Variants in CAMKK1 observed in about 807,000 individuals in gnomAD.
CAMKK1 encodes the protein calcium/calmodulin dependent protein kinase kinase 1.
In CAMKK1, 20 loss-of-function variants were observed where a neutral mutation model predicts 63.5. That is an observed-to-expected ratio of 0.32 (90% CI 0.22 to 0.46). The LOEUF (loss-of-function observed/expected upper bound fraction) is 0.46. Ranked by LOEUF, CAMKK1 falls within the 20% of genes least tolerant of loss-of-function variation. CAMKK1 has a pLI of 1.00. For synonymous variants in CAMKK1, 253 were observed against 269.0 expected (o/e 0.94, Z 0.58); for missense variants, 588 against 658.1 (o/e 0.89, Z 1.17).
chr17:3,891,112 G>T (rs978030275), intron 1 of CAMKK1, among the ~76,000 whole-genome samples: 2 of 151,458 alleles, frequency 1.3e-5, no homozygotes, highest in South Asian at 2.1e-4. Flanking sequence ...GCAAGGTTGG[G>T]GGGGGGGTCA....
chr17:3,886,340 C>T (rs986887466), intron 1 of CAMKK1, among the ~76,000 whole-genome samples: 2 of 152,200 alleles, frequency 1.3e-5, no homozygotes, highest in African/African-American at 4.8e-5. Flanking sequence ...TCTGTCAAAA[C>T]AAGGGGATGG....
intron 15 of CAMKK1, among the ~76,000 whole-genome samples, chr17:3,863,408 G>T (rs1177879702): frequency 1.3e-5 from 2 of 152,236 alleles, no homozygotes; most frequent in East Asian, 3.8e-4. Flanking sequence ...TGAGGCAAGA[G>T]AACTGCTTGA....
intron 1 of CAMKK1, among the ~76,000 whole-genome samples, chr17:3,891,118 G>C (rs572833035): frequency 1.3e-5 from 2 of 151,754 alleles, no homozygotes; most frequent in South Asian, 2.1e-4. Flanking sequence ...TTGGGGGGGG[G>C]GTCACAGGCT....
At chr17:3,873,670 C>T (rs1348282311) in intron 10 of CAMKK1, among the ~76,000 whole-genome samples, 2 of 152,172 alleles carry the variant, frequency 1.3e-5, no homozygotes, top group Non-Finnish European at 2.9e-5. Context: ...CTCCACCCTC[C>T]AGGGGTTCTG....
chr17:3,892,846 AC>A lies in CAMKK1; in HGVS notation c.-44+92del, dbSNP rs143787561. 113,359 of 147,856 alleles carry A rather than the reference AC, an allele frequency of 0.77. 43,128 individuals carry two copies. The highest frequency in any genetic ancestry group is 0.82 in the Middle Eastern group (229 of 278). 9.2% of individuals were successfully genotyped at this position (147,856 alleles called of 1,614,324 possible). ...CTCCCTCGTAGACGCGGCCTGGCAG[AC>A]CCCCCCCGCCTCTCCCTTGCAGGCT... On this transcript the variant is annotated intron_variant, in intron 1 of 15. Transcript: ENST00000348335. This position sits in a 1 kb window ranked among gnomAD's most constrained non-coding sequence, Gnocchi z 7.5.
rs774208578 is a variant in CAMKK1, at chr17:3,883,015, T to C, written c.648+27A>G. 3 of 1,611,892 alleles carry C rather than the reference T, an allele frequency of 1.9e-6. No individual in the cohort carries two copies. The East Asian group carries it at 6.7e-5, about 36-fold the overall frequency. The stretch of plus-strand genomic sequence containing the variant: ...GCTCCCATGAGACTCAGGTGCTGGT[T>C]CCCACCTGCTCACCACCACCCCCTA... On this transcript the variant is annotated intron_variant, in intron 6 of 15. Transcript: ENST00000348335. The surrounding 1 kb of genome is among the most constrained non-coding windows in gnomAD (Gnocchi z 4.7).
chr17:3,862,751 T>C lies in CAMKK1; in HGVS notation c.1446-468A>G, dbSNP rs1176571172. Among the ~76,000 whole-genome samples, 1 of 152,202 alleles carries C rather than the reference T, an allele frequency of 6.6e-6. No homozygotes were observed. Among genetic ancestry groups the C allele is most frequent in the Non-Finnish European group, 1.5e-5 (1 of 68,030 alleles). ...CTCAAGCGATCCTCCCACCTCAGCC[T>C]CCTGAGTAGCTGAGACTACAGGCAC... On this transcript the variant is annotated intron_variant, in intron 15 of 15. Transcript: ENST00000348335. The surrounding 1 kb of genome is among the most constrained non-coding windows in gnomAD (Gnocchi z 4.1).
rs773755530 is a variant in CAMKK1, at chr17:3,883,215, G to T, written c.515-40C>A. On this transcript the variant is annotated intron_variant, in intron 5 of 15. Transcript: ENST00000348335. The surrounding 1 kb of genome is among the most constrained non-coding windows in gnomAD (Gnocchi z 4.7). ...AGAACTCAAACACCTGTTCCAGGTGGCTGGGCCTCACCGTGGCCCCCAAAC... is the reference window on the plus strand; with the variant it reads ...AGAACTCAAACACCTGTTCCAGGTGTCTGGGCCTCACCGTGGCCCCCAAAC... 1.9e-6 allele frequency: 3 copies of T among 1,604,066 alleles called. No homozygotes were observed. The East Asian group carries it at 6.7e-5, about 36-fold the overall frequency.
rs142786826 is a variant in CAMKK1, at chr17:3,874,995, G to A, written c.996+1228C>T. ...AAATTAGCCGGGCGTGGTGGTGGGC[G>A]CCTGTAGTCCCAGCTACTCGGGAGG... On this transcript the variant is annotated intron_variant, in intron 10 of 15. Transcript: ENST00000348335. Among the ~76,000 whole-genome samples, 247 of 152,042 alleles carry A rather than the reference G, an allele frequency of 1.6e-3. 1 individual carries two copies. Among genetic ancestry groups the A allele is most frequent in the African/African-American group, 4.7e-3 (196 of 41,504 alleles).
chr17:3,875,100 C>T (rs967556808), intron 10 of CAMKK1, among the ~76,000 whole-genome samples: 4 of 151,584 alleles, frequency 2.6e-5, no homozygotes, highest in Non-Finnish European at 2.9e-5. Context: ...CCAGCCTGGG[C>T]GACAGAGCGA....
chr17:3,867,042 T>C (rs1356141505), intron 14 of CAMKK1, among the ~76,000 whole-genome samples: 2 of 152,178 alleles, frequency 1.3e-5, no homozygotes, highest in Non-Finnish European at 2.9e-5. Flanking sequence ...TATATTCTAG[T>C]TGGGGGAGAC....
At chr17:3,880,244 G>T in intron 9 of CAMKK1, 102 bp downstream of exon 9, 2 of 996,676 alleles carry the variant, frequency 2.0e-6, no homozygotes, top group African/African-American at 1.6e-5. Context: ...TGGCAGGTCA[G>T]CTCTGACTGA....
At position 3,890,756 on chromosome 17, in the gene CAMKK1, T is replaced by C; in HGVS notation, c.-44+2183A>G. 2.6e-6 allele frequency: 2 copies of C among 779,794 alleles called. No homozygotes were observed. Among genetic ancestry groups the C allele is most frequent in the Non-Finnish European group, 2.4e-6 (1 of 417,976 alleles). 48.3% of individuals were successfully genotyped at this position (779,794 alleles called of 1,614,324 possible). Reference sequence around the variant, plus strand: ...ACTCTGTTCTGCTGCCAGGCCTCAGTACAAGCTGTGCCTTCTGCCAGGAAC... The same window carrying C: ...ACTCTGTTCTGCTGCCAGGCCTCAGCACAAGCTGTGCCTTCTGCCAGGAAC... On this transcript the variant is annotated intron_variant, in intron 1 of 15. Transcript: ENST00000348335. This position sits in a 1 kb window ranked among gnomAD's most constrained non-coding sequence, Gnocchi z 6.5.
chr17:3,874,991 G>A (rs1445731396), intron 10 of CAMKK1, among the ~76,000 whole-genome samples: 3 of 151,950 alleles, frequency 2.0e-5, no homozygotes, highest in African/African-American at 4.8e-5. Context: ...GCGTGGTGGT[G>A]GGCGCCTGTA....
At chr17:3,873,573 C>T (rs9904678) in intron 10 of CAMKK1, 111 bp from the exon 11 acceptor site, 513,603 of 1,013,564 alleles carry the variant, frequency 0.51, 137,175 homozygotes, top group East Asian at 0.81. Flanking sequence ...CTCTGTCATG[C>T]ACTCACTCGA....
At position 3,860,732 on chromosome 17, in the gene CAMKK1, A is replaced by G. The variant is rs561614369; in HGVS notation, c.*1479T>C. 6.6e-6 allele frequency: 1 copy of G among 152,402 alleles called. No individual in the cohort carries two copies. The highest frequency in any genetic ancestry group is 2.1e-4 in the South Asian group (1 of 4,828). 9.4% of individuals were successfully genotyped at this position (152,402 alleles called of 1,614,324 possible). A position where few individuals can be genotyped will look rare whatever the true frequency, so the allele number is the denominator to read the frequency against. Reference sequence around the variant, plus strand: ...TCGGCTCCTAGCCTTAAATAGACGTAGAAACTGTATTACAGATGCATGTAC... The same window carrying G: ...TCGGCTCCTAGCCTTAAATAGACGTGGAAACTGTATTACAGATGCATGTAC... On this transcript the variant is annotated 3_prime_UTR_variant, in exon 16 of 16. Coordinates refer to ENST00000348335, the MANE Select transcript of CAMKK1 (RefSeq NM_032294.3).
chr17:3,864,436 C>G (rs1026557012), intron 15 of CAMKK1, among the ~76,000 whole-genome samples: 3 of 151,682 alleles, frequency 2.0e-5, no homozygotes, highest in Non-Finnish European at 4.4e-5. Flanking sequence ...TTAGTAGAGA[C>G]GGGGTTTCAC....
chr17:3,881,898 G>C, intron 7 of CAMKK1: 2 of 550,944 alleles, frequency 3.6e-6, no homozygotes, highest in Non-Finnish European at 6.4e-6. Flanking sequence ...CTTTTACAGA[G>C]GGGGAAACTG....
intron 15 of CAMKK1, among the ~76,000 whole-genome samples, chr17:3,863,243 C>T (rs1044995000): frequency 9.2e-5 from 14 of 152,150 alleles, no homozygotes; most frequent in Non-Finnish European, 1.8e-4. Flanking sequence ...CGCCTGTAAT[C>T]CCAGCACTTT....
Sources: allele counts gnomAD v4.1 joint callset (sites outside exome capture counted in the v4.1 genomes callset), GRCh38; gene constraint gnomAD v4.1.1; non-coding constraint Gnocchi (gnomAD v3.1); transcripts MANE v1.5; gene names NCBI Gene and HGNC (gene_info 2026-07-23, HGNC 2026-07-21).